PCDH15: variants seen among roughly 807,000 people sequenced by gnomAD.
The protein encoded by PCDH15 is protocadherin-15.
Under a neutral mutation model 178.5 loss-of-function variants are expected in PCDH15, and 129 were observed. The observed-to-expected ratio is 0.72, with a 90% CI of 0.63 to 0.84. PCDH15 has a LOEUF of 0.84. PCDH15 is among the 40% of genes least tolerant of loss of function. The pLI, the probability that PCDH15 is intolerant of heterozygous loss-of-function variation, is 0.00. For missense variants in PCDH15, 2,230 were observed against 2,099.9 expected (o/e 1.06, Z -1.21); for synonymous variants, 800 against 732.0 (o/e 1.09, Z -1.50).
At chr10:54,465,459 C>A (rs995886458) in intron 3 of PCDH15, among the ~76,000 whole-genome samples, 7 of 151,830 alleles carry the variant, frequency 4.6e-5, no homozygotes, top group African/African-American at 9.7e-5. Context: ...ATGATATTAC[C>A]TTTTTTAGCC....
At chr10:55,495,416 A>C (rs891469111) in intron 2 of PCDH15, among the ~76,000 whole-genome samples, 2 of 151,778 alleles carry the variant, frequency 1.3e-5, no homozygotes, top group Non-Finnish European at 2.9e-5. Flanking sequence ...ACTCAATAAT[A>C]AAAAGACATA....
chr10:54,439,248 AAAGTTT>A (rs1277358588), intron 3 of PCDH15, among the ~76,000 whole-genome samples: 2 of 152,046 alleles, frequency 1.3e-5, no homozygotes, highest in African/African-American at 2.4e-5. Flanking sequence ...AAATAAACTT[AAAGTTT>A]AAGAAAGATA....
At chr10:54,683,933 T>C (rs1591036047) in intron 1 of PCDH15, among the ~76,000 whole-genome samples, 1 of 152,090 alleles carries the variant, frequency 6.6e-6, no homozygotes. Flanking sequence ...GATTATAGCA[T>C]AGCACAAGAC....
At chr10:54,340,135 A>AT (rs1941960971) in intron 6 of PCDH15, among the ~76,000 whole-genome samples, 1 of 152,086 alleles carries the variant, frequency 6.6e-6, no homozygotes, top group Admixed American at 6.6e-5. Context: ...TTACTAAATT[A>AT]TTTTTTTCTA....
At chr10:54,900,341 T>G (rs1003233204) in intron 2 of PCDH15, among the ~76,000 whole-genome samples, 1 of 152,142 alleles carries the variant, frequency 6.6e-6, no homozygotes, top group Non-Finnish European at 1.5e-5. Context: ...AAGAAGGTTG[T>G]GAGTAAGGTG....
intron 15 of PCDH15, among the ~76,000 whole-genome samples, chr10:54,127,936 T>G (rs1234311439): frequency 1.3e-5 from 2 of 152,246 alleles, no homozygotes; most frequent in Admixed American, 6.5e-5. Context: ...AATTATTTTC[T>G]TCATTATTTT....
intron 5 of PCDH15, among the ~76,000 whole-genome samples, chr10:54,348,804 G>T (rs1565041426): frequency 6.6e-6 from 1 of 152,068 alleles, no homozygotes; most frequent in African/African-American, 2.4e-5. Flanking sequence ...TTTAAATTTT[G>T]TATCCTTTGA....
In PCDH15 at chr10:55,392,128, C is replaced by A. The variant is rs551106991; in HGVS notation, c.-155-225477G>T. Among the ~76,000 whole-genome samples the A allele has an allele frequency of 2.6e-3, 391 of 152,208 alleles. 2 individuals carry two copies. Among genetic ancestry groups the A allele is most frequent in the African/African-American group, 9.1e-3 (376 of 41,546 alleles). On this transcript the variant is annotated intron_variant, in intron 2 of 5. Transcript: ENST00000613346. ...CATGGCATGTTTTGTGGTGCCCCAA[C>A]ACAAATGAAATAGTAACATTAAAGA...
At chr10:54,826,448 G>T (rs1591724198) in intron 3 of PCDH15, among the ~76,000 whole-genome samples, 1 of 152,020 alleles carries the variant, frequency 6.6e-6, no homozygotes, top group Admixed American at 6.6e-5. Flanking sequence ...AAATTGAAAT[G>T]AGATTAGCAC....
At chr10:54,913,628 A>C (rs1039780462) in intron 2 of PCDH15, among the ~76,000 whole-genome samples, 2 of 152,142 alleles carry the variant, frequency 1.3e-5, no homozygotes, top group African/African-American at 4.8e-5. Flanking sequence ...AGAATGGTAG[A>C]TCCGTCAACA....
intron 2 of PCDH15, among the ~76,000 whole-genome samples, chr10:55,488,208 A>G (rs1840339877): frequency 6.6e-6 from 1 of 151,706 alleles, no homozygotes; most frequent in Admixed American, 6.6e-5. Context: ...TCCACAATTT[A>G]AAATGTGGCT....
At chr10:54,511,814 G>A (rs572972868) in intron 3 of PCDH15, among the ~76,000 whole-genome samples, 2 of 152,040 alleles carry the variant, frequency 1.3e-5, no homozygotes, top group South Asian at 4.2e-4. Flanking sequence ...CCCTGGATAT[G>A]TTTTCTATGA....
chr10:55,389,849 A>C (rs764050849), intron 2 of PCDH15, among the ~76,000 whole-genome samples: 63 of 152,304 alleles, frequency 4.1e-4, no homozygotes, highest in Non-Finnish European at 6.9e-4. Flanking sequence ...CATTTTAAAA[A>C]TAAATATCCA....
chr10:54,768,654 C>G (rs1367221422), intron 1 of PCDH15, among the ~76,000 whole-genome samples: 1 of 152,148 alleles, frequency 6.6e-6, no homozygotes, highest in Non-Finnish European at 1.5e-5. Context: ...CTGACTCTTA[C>G]AGCAAATTCT....
intron 3 of PCDH15, among the ~76,000 whole-genome samples, chr10:54,404,853 C>T (rs1471475622): frequency 1.3e-5 from 2 of 151,894 alleles, no homozygotes; most frequent in African/African-American, 4.8e-5. Flanking sequence ...AGACACTTTT[C>T]AAAACAAAAC....
chr10:53,910,264 G>A (rs12768837), intron 25 of PCDH15, among the ~76,000 whole-genome samples: 13,631 of 152,200 alleles, frequency 0.09, 666 homozygotes, highest in African/African-American at 0.11. Context: ...GGGGCCGACT[G>A]ACACTGCATA....
chr10:54,274,591 T>G (rs1362763462), intron 8 of PCDH15, among the ~76,000 whole-genome samples: 2 of 149,728 alleles, frequency 1.3e-5, no homozygotes, highest in African/African-American at 5.0e-5. Context: ...TAAATGCCTT[T>G]GATTCGAAAC....
intron 26 of PCDH15, among the ~76,000 whole-genome samples, chr10:53,872,445 G>T (rs2079937221): frequency 6.6e-6 from 1 of 152,100 alleles, no homozygotes; most frequent in Non-Finnish European, 1.5e-5. Context: ...TTTCAGTTCT[G>T]CAAACTGCCT....
At chr10:55,080,247 G>A (rs1455200086) in intron 2 of PCDH15, among the ~76,000 whole-genome samples, 1 of 152,128 alleles carries the variant, frequency 6.6e-6, no homozygotes, top group South Asian at 2.1e-4. Context: ...CAACAGACTA[G>A]TAAGCATTAC....
Sources: allele counts gnomAD v4.1 joint callset (sites outside exome capture counted in the v4.1 genomes callset), GRCh38; gene constraint gnomAD v4.1.1; transcripts MANE v1.5; gene names NCBI Gene and HGNC (gene_info 2026-07-23, HGNC 2026-07-21).